COMMD10: variants seen among roughly 807,000 people sequenced by gnomAD.
The protein encoded by COMMD10 is COMM domain-containing protein 10.
In COMMD10, 33 loss-of-function variants were observed where a neutral mutation model predicts 28.9. The ratio of observed to expected loss-of-function variants is 1.14; its 90% CI spans 0.87 to 1.53. The LOEUF is 1.53. Among genes scored for constraint, COMMD10 ranks in the 40% most tolerant of loss-of-function variants. The pLI is 0.00. For missense variants in COMMD10, 310 were observed against 233.4 expected, an observed-to-expected ratio of 1.33 and a Z score of -2.14; for synonymous variants, 110 against 81.7, an observed-to-expected ratio of 1.35 and a Z score of -1.87.
chr5:116,154,560 A>G (rs1269567268), intron 5 of COMMD10, among the ~76,000 whole-genome samples: 1 of 152,078 alleles, frequency 6.6e-6, no homozygotes. Context: ...TAGTAGTTTC[A>G]GGTAATCTTT....
chr5:116,207,664 C>T (rs1481055460), intron 5 of COMMD10, among the ~76,000 whole-genome samples: 1 of 151,902 alleles, frequency 6.6e-6, no homozygotes, highest in Non-Finnish European at 1.5e-5. Flanking sequence ...TAGCTGGGAC[C>T]CCAGGCATGC....
intron 4 of COMMD10, among the ~76,000 whole-genome samples, chr5:116,104,313 CTT>C (rs1448570720): frequency 2.0e-5 from 3 of 152,138 alleles, no homozygotes; most frequent in Non-Finnish European, 4.4e-5. Flanking sequence ...TGTGTCCTCT[CTT>C]ATTTTCTTGA....
At chr5:116,287,669 C>T (rs1014860729) in intron 5 of COMMD10, among the ~76,000 whole-genome samples, 1 of 151,462 alleles carries the variant, frequency 6.6e-6, no homozygotes, top group Non-Finnish European at 1.5e-5. Context: ...CTTTGTGTTT[C>T]ATTGATTTTT....
At chr5:116,221,624 A>G (rs1034097032) in intron 5 of COMMD10, among the ~76,000 whole-genome samples, 2 of 152,174 alleles carry the variant, frequency 1.3e-5, no homozygotes, top group African/African-American at 4.8e-5. Context: ...CTTAGTAGTA[A>G]TTATTTGGTT....
At chr5:116,163,811 T>C (rs1043051090) in intron 5 of COMMD10, among the ~76,000 whole-genome samples, 26 of 152,300 alleles carry the variant, frequency 1.7e-4, no homozygotes, top group African/African-American at 6.0e-4. Context: ...TGAAATTATA[T>C]GTCTTTTTTA....
At chr5:116,183,739 A>G (rs1244005735) in intron 5 of COMMD10, among the ~76,000 whole-genome samples, 1 of 152,116 alleles carries the variant, frequency 6.6e-6, no homozygotes, top group Non-Finnish European at 1.5e-5. Flanking sequence ...TAAATTTTAC[A>G]TTTAGTTTTG....
intron 5 of COMMD10, among the ~76,000 whole-genome samples, chr5:116,172,913 A>G (rs1753384657): frequency 6.6e-6 from 1 of 152,108 alleles, no homozygotes; most frequent in Admixed American, 6.6e-5. Context: ...ATATGAGAGG[A>G]TGTCTTTAAT....
intron 5 of COMMD10, among the ~76,000 whole-genome samples, chr5:116,272,447 G>T (rs909122781): frequency 5.9e-5 from 9 of 151,850 alleles, no homozygotes; most frequent in Non-Finnish European, 1.2e-4. Context: ...TTTGGCTAAT[G>T]CTCTCAAAAC....
At chr5:116,269,638 C>G (rs1339012362) in intron 5 of COMMD10, among the ~76,000 whole-genome samples, 1 of 151,596 alleles carries the variant, frequency 6.6e-6, no homozygotes, top group African/African-American at 2.4e-5. Flanking sequence ...TTGAAAAATA[C>G]CATACTGATT....
intron 5 of COMMD10, among the ~76,000 whole-genome samples, chr5:116,272,143 A>G (rs1260669007): frequency 2.6e-5 from 4 of 151,906 alleles, no homozygotes; most frequent in African/African-American, 7.3e-5. Flanking sequence ...CTAAGCGATA[A>G]TACCAGCCAT....
intron 4 of COMMD10, among the ~76,000 whole-genome samples, chr5:116,097,977 A>G (rs1750521611): frequency 6.6e-6 from 1 of 152,210 alleles, no homozygotes; most frequent in Admixed American, 6.5e-5. Context: ...TGGAGATTAC[A>G]ATTGCACATG....
chr5:116,157,502 G>C (rs1752756393), intron 5 of COMMD10, among the ~76,000 whole-genome samples: 1 of 152,160 alleles, frequency 6.6e-6, no homozygotes, highest in African/African-American at 2.4e-5. Context: ...GTTACCCTGG[G>C]CTGTTCACTT....
chr5:116,282,719 T>C (rs1459418647), intron 5 of COMMD10, among the ~76,000 whole-genome samples: 1 of 151,932 alleles, frequency 6.6e-6, no homozygotes, highest in Non-Finnish European at 1.5e-5. Context: ...CTTTGCATGG[T>C]CTTCCTTTTG....
intron 5 of COMMD10, among the ~76,000 whole-genome samples, chr5:116,277,244 A>G (rs1357622015): frequency 6.6e-6 from 1 of 151,868 alleles, no homozygotes; most frequent in Non-Finnish European, 1.5e-5. Context: ...CTCCAGATAT[A>G]CTAAGGATTA....
chr5:116,092,825 C>A, intron 4 of COMMD10, 125 bp downstream of exon 4: 1 of 575,872 alleles, frequency 1.7e-6, no homozygotes, highest in Non-Finnish European at 2.8e-6. Flanking sequence ...AACACAGATG[C>A]TCCTCAACTT....
rs1561412402 is a variant in COMMD10, at chr5:116,292,653, T to A, written c.*164T>A. 3.4e-5 allele frequency: 16 copies of A among 469,482 alleles called. No individual in the cohort carries two copies. The highest frequency in any genetic ancestry group is 3.0e-4 in the Middle Eastern group (1 of 3,328). The allele number at this position is 469,482 out of a possible 1,614,324, so 29.1% of individuals were successfully genotyped here. ...AATAACAACCAATAGAGATCATTGT[T>A]AAGAATACTGAGGTTCTAATATACT... On this transcript the variant is annotated 3_prime_UTR_variant, in exon 7 of 7. Coordinates refer to ENST00000274458, the MANE Select transcript of COMMD10 (RefSeq NM_016144.4).
intron 5 of COMMD10, among the ~76,000 whole-genome samples, chr5:116,238,163 CA>C (rs1437040585): frequency 2.6e-5 from 4 of 152,126 alleles, no homozygotes; most frequent in African/African-American, 9.7e-5. Context: ...CTGGAAGAAA[CA>C]ATGCTTCTCA....
chr5:116,267,894 A>G (rs1037325250), intron 5 of COMMD10, among the ~76,000 whole-genome samples: 2 of 151,930 alleles, frequency 1.3e-5, no homozygotes, highest in South Asian at 2.1e-4. Context: ...CTGGCTAGCC[A>G]TATGTAGAAA....
chr5:116,121,409 A>G (rs115748268), intron 4 of COMMD10, among the ~76,000 whole-genome samples: 8,139 of 152,114 alleles, frequency 0.054, 305 homozygotes, highest in East Asian at 0.15. Context: ...GGTTCCAAGT[A>G]TTTGCTTTTG....
Sources: gnomAD v4.1 joint callset for allele counts (sites outside exome capture counted in the v4.1 genomes callset) on GRCh38, gnomAD v4.1.1 for gene constraint, MANE v1.5 for transcripts, NCBI Gene and HGNC (gene_info 2026-07-23, HGNC 2026-07-21) for gene names.